Variants in CELF2 observed in about 807,000 individuals in gnomAD.
The protein encoded by CELF2 is CUG triplet repeat RNA-binding protein 2.
Under a neutral mutation model 62.6 loss-of-function variants are expected in CELF2, and 8 were observed. The ratio of observed to expected loss-of-function variants is 0.13; its 90% CI spans 0.07 to 0.23. The LOEUF (loss-of-function observed/expected upper bound fraction) is 0.23, where lower values mean the gene tolerates loss of function less well. Among genes scored for constraint, CELF2 ranks in the 10% least tolerant of loss-of-function variants. The probability of loss-of-function intolerance (pLI) is 1.00; values close to 1 mark genes in which losing one functional copy is unlikely to be tolerated. For missense variants in CELF2, 333 were observed against 671.0 expected, an observed-to-expected ratio of 0.50 and a Z score of 5.56; for synonymous variants, 258 against 250.0, an observed-to-expected ratio of 1.03 and a Z score of -0.30.
intron 2 of CELF2, among the ~76,000 whole-genome samples, chr10:10,953,145 A>G (rs1237124959): frequency 1.3e-5 from 2 of 152,224 alleles, no homozygotes; most frequent in Non-Finnish European, 2.9e-5. Flanking sequence ...AATCTTTACT[A>G]ATTAGCTTTT....
At chr10:11,283,207 T>G (rs964835731) in intron 8 of CELF2, among the ~76,000 whole-genome samples, 1 of 152,222 alleles carries the variant, frequency 6.6e-6, no homozygotes, top group African/African-American at 2.4e-5. Flanking sequence ...TTTGCTTTCC[T>G]GTGCTTCTCT....
rs1014800102 is a variant in CELF2 at position 11,117,888 on chromosome 10, G to A, written c.75-47598G>A. ...ATGTCACTCCTCACAGCCTTTTTCT[G>A]CGCTATCCTTTTATACATTTTTTAT... On this transcript the variant is annotated intron_variant, in intron 1 of 12. Transcript: ENST00000633077. The surrounding 1 kb of genome is among the most constrained non-coding windows in gnomAD (Gnocchi z 4.1). Among the ~76,000 whole-genome samples, 3 of 152,040 alleles carry A rather than the reference G, an allele frequency of 2.0e-5. No individual in the cohort carries two copies. The highest frequency in any genetic ancestry group is 2.1e-4 in the South Asian group (1 of 4,824).
intron 1 of CELF2, among the ~76,000 whole-genome samples, chr10:11,070,097 T>A (rs1158261965): frequency 6.6e-6 from 1 of 151,778 alleles, no homozygotes; most frequent in Non-Finnish European, 1.5e-5. Flanking sequence ...TTTTATTCTC[T>A]AAATCATTCT....
chr10:11,225,940 A>G (rs988317050), intron 3 of CELF2, among the ~76,000 whole-genome samples: 2 of 152,202 alleles, frequency 1.3e-5, no homozygotes, highest in African/African-American at 4.8e-5. Context: ...CCAGAGATTA[A>G]ATTAACTTCT....
At chr10:10,547,692 A>AGAGAGAGAGAGAGAGTGTGTGT in the CELF2 span, among the ~76,000 whole-genome samples, 1 of 138,006 alleles carries the variant, frequency 7.2e-6, no homozygotes, top group African/African-American at 2.8e-5. Flanking sequence ...AGAGAGAGAG[A>AGAGAGAGAGAGAGAGTGTGTGT]GTGTGTGTGT....
At chr10:10,497,742 T>C in the CELF2 span, among the ~76,000 whole-genome samples, 1 of 152,016 alleles carries the variant, frequency 6.6e-6, no homozygotes, top group Non-Finnish European at 1.5e-5. Flanking sequence ...TGTGACTGGG[T>C]CAGAGAAAAG....
Position 11,270,275 on chromosome 10 carries a change from C to T in CELF2, c.619-391C>T, listed in dbSNP as rs530684759. Among the ~76,000 whole-genome samples the T allele has an allele frequency of 6.6e-6, 1 of 152,274 alleles. No homozygotes were observed. Among genetic ancestry groups the T allele is most frequent in the Non-Finnish European group, 1.5e-5 (1 of 68,030 alleles). Reference sequence around the variant, plus strand: ...CCTTTGTCCTCTGTCCACCTGTGGACACGGGCAGACACACAAAGCCAAGTC... The same window carrying T: ...CCTTTGTCCTCTGTCCACCTGTGGATACGGGCAGACACACAAAGCCAAGTC... On this transcript the variant is annotated intron_variant, in intron 6 of 12. Coordinates refer to ENST00000633077, the MANE Select transcript of CELF2 (RefSeq NM_001326342.2). The surrounding 1 kb of genome is among the most constrained non-coding windows in gnomAD (Gnocchi z 5.8).
At chr10:11,086,347 A>G (rs940250999) in intron 1 of CELF2, among the ~76,000 whole-genome samples, 3 of 151,906 alleles carry the variant, frequency 2.0e-5, no homozygotes, top group African/African-American at 7.3e-5. Context: ...CAGGAGTCCA[A>G]AGTGAGCTGC....
chr10:10,566,577 C>A, the CELF2 span, among the ~76,000 whole-genome samples: 1 of 127,398 alleles, frequency 7.8e-6, no homozygotes, highest in South Asian at 2.6e-4. Flanking sequence ...CCTCCCCCGA[C>A]CCCACCACAG....
chr10:10,926,666 A>G (rs1294007774), intron 2 of CELF2, among the ~76,000 whole-genome samples: 1 of 152,118 alleles, frequency 6.6e-6, no homozygotes, highest in Non-Finnish European at 1.5e-5. Context: ...TTAGGGGAGG[A>G]ATCCCTTTTC....
At chr10:10,742,140 T>A in the CELF2 span, among the ~76,000 whole-genome samples, 5 of 152,334 alleles carry the variant, frequency 3.3e-5, no homozygotes, top group East Asian at 9.7e-4. Context: ...CAACTTGAAG[T>A]GAAATGTCAA....
At chr10:10,880,438 G>C (rs2061375093) in intron 1 of CELF2, among the ~76,000 whole-genome samples, 2 of 152,176 alleles carry the variant, frequency 1.3e-5, no homozygotes, top group African/African-American at 4.8e-5. Context: ...GAAATTATCT[G>C]ACCTCATTCC....
At chr10:10,534,647 TC>T in the CELF2 span, among the ~76,000 whole-genome samples, 1,515 of 152,190 alleles carry the variant, frequency 1.0e-2, 21 homozygotes, top group African/African-American at 0.035. Flanking sequence ...ACGCCTGTCT[TC>T]CCCCACTTAT....
chr10:10,992,236 T>C (rs1342538898), intron 2 of CELF2, among the ~76,000 whole-genome samples: 3 of 152,252 alleles, frequency 2.0e-5, no homozygotes, highest in African/African-American at 7.2e-5. Flanking sequence ...TAGGTGGCTC[T>C]CTTTCAAACT....
chr10:10,657,490 T>C, the CELF2 span, among the ~76,000 whole-genome samples: 1 of 152,176 alleles, frequency 6.6e-6, no homozygotes, highest in Non-Finnish European at 1.5e-5. Context: ...GGTACGTGAA[T>C]TGTAACTCAA....
rs769708378 is a variant in CELF2 at position 11,314,334 on chromosome 10, G to A, written c.1096+76G>A. ...ATTCTCCACAGAAAGTGGTCAGCCA[G>A]AAATGACCCGAAAAAGGATATGCCA... is the stretch of plus-strand genomic sequence containing the variant. On this transcript the variant is annotated intron_variant, in intron 10 of 12. Coordinates refer to ENST00000633077, the MANE Select transcript of CELF2 (RefSeq NM_001326342.2). This position sits in a 1 kb window ranked among gnomAD's most constrained non-coding sequence, Gnocchi z 5.3. The A allele has an allele frequency of 6.3e-7, 1 of 1,597,292 alleles. No homozygotes were observed.
chr10:11,025,239 G>GTGTGTGTATATATA (rs61580670), intron 1 of CELF2, among the ~76,000 whole-genome samples: 1 of 140,998 alleles, frequency 7.1e-6, no homozygotes, highest in Non-Finnish European at 1.5e-5. Context: ...GTGTGTGTGT[G>GTGTGTGTATATATA]TATATGTATG....
At chr10:10,526,804 G>T in the CELF2 span, among the ~76,000 whole-genome samples, 2 of 152,170 alleles carry the variant, frequency 1.3e-5, no homozygotes, top group African/African-American at 2.4e-5. Context: ...ACTTAAAATG[G>T]CTGGGTCCTT....
intron 1 of CELF2, among the ~76,000 whole-genome samples, chr10:10,853,195 G>T (rs971934925): frequency 6.6e-6 from 1 of 152,124 alleles, no homozygotes; most frequent in Admixed American, 6.6e-5. Flanking sequence ...TGGCCAGGTT[G>T]GTACTGAACT....
Sources: allele counts gnomAD v4.1 joint callset (sites outside exome capture counted in the v4.1 genomes callset), GRCh38; gene constraint gnomAD v4.1.1; non-coding constraint Gnocchi (gnomAD v3.1); transcripts MANE v1.5; gene names NCBI Gene and HGNC (gene_info 2026-07-23, HGNC 2026-07-21).